The following CTBP2 variants were observed in gnomAD, a reference collection of about 807,000 sequenced individuals.
CTBP2 encodes C-terminal binding protein 2, also known as C-terminal-binding protein 2.
A neutral mutation model predicts 80.3 loss-of-function variants in CTBP2; 30 were observed. That is an observed-to-expected ratio of 0.37 (90% confidence interval 0.28 to 0.51). The LOEUF (loss-of-function observed/expected upper bound fraction) is 0.51. Ranked by LOEUF, CTBP2 falls within the 20% of genes least tolerant of loss-of-function variation. The pLI is 0.93. For missense variants in CTBP2, 1,212 were observed against 1,375.3 expected (o/e 0.88, Z 1.88); for synonymous variants, 594 against 587.4 (o/e 1.01, Z -0.16).
At chr10:125,096,100 T>C (rs1849506910) in intron 2 of CTBP2, among the ~76,000 whole-genome samples, 1 of 152,208 alleles carries the variant, frequency 6.6e-6, no homozygotes, top group Non-Finnish European at 1.5e-5. Context: ...TTTTGTCCCC[T>C]TTGTCAAACA....
At chr10:125,152,239 G>A (rs113260628) in intron 1 of CTBP2, among the ~76,000 whole-genome samples, 8,253 of 152,226 alleles carry the variant, frequency 0.054, 281 homozygotes, top group African/African-American at 0.093. Context: ...CCGGGACCCC[G>A]GGACCCCAGA....
chr10:125,152,801 G>A (rs1406222407), intron 1 of CTBP2, among the ~76,000 whole-genome samples: 1 of 152,210 alleles, frequency 6.6e-6, no homozygotes, highest in African/African-American at 2.4e-5. Flanking sequence ...GGTAGGAAAT[G>A]TCAGGTCAGC....
chr10:125,003,036 C>A lies in CTBP2; in HGVS notation c.1902G>T (p.Lys634Asn), dbSNP rs201760950. 1 of 1,614,000 alleles carries A rather than the reference C, an allele frequency of 6.2e-7. No individual in the cohort carries two copies. Among genetic ancestry groups the A allele is most frequent in the Non-Finnish European group, 8.5e-7 (1 of 1,180,040 alleles). The change falls in exon 3 of 9, where the codon AAG becomes AAT. Residue 634 changes from lysine (K) to asparagine (N), a missense_variant. Transcript: ENST00000309035. ...GCACGATCACTCTCAGGGCCTTGAA[C>A]TTCTCCAGGTCCTCCCTGGTGAGGG...
At chr10:125,061,141 A>G (rs74163322) in intron 2 of CTBP2, among the ~76,000 whole-genome samples, 2,092 of 152,352 alleles carry the variant, frequency 0.014, 45 homozygotes, top group South Asian at 0.041. Flanking sequence ...CAAGCTGAGC[A>G]TACTATTTTC....
At chr10:125,141,294 C>G (rs1857769650) in intron 1 of CTBP2, among the ~76,000 whole-genome samples, 1 of 152,202 alleles carries the variant, frequency 6.6e-6, no homozygotes. Flanking sequence ...CTCATTACCT[C>G]CTCCTGTGAG....
intron 2 of CTBP2, among the ~76,000 whole-genome samples, chr10:125,057,139 C>T (rs1258316923): frequency 6.6e-6 from 1 of 152,192 alleles, no homozygotes; most frequent in East Asian, 1.9e-4. Context: ...CAGAGAGGCA[C>T]CCAGGAAGGG....
At chr10:125,007,950 CTT>C (rs577913784) in intron 1 of CTBP2, among the ~76,000 whole-genome samples, 1 of 144,964 alleles carries the variant, frequency 6.9e-6, no homozygotes. Flanking sequence ...CTGGCTCTGG[CTT>C]TTTTTTTTTT....
intron 1 of CTBP2, among the ~76,000 whole-genome samples, chr10:125,020,133 G>C (rs569433607): frequency 1.2e-4 from 18 of 152,322 alleles, no homozygotes; most frequent in Admixed American, 3.3e-4. Context: ...TTATGCCCTT[G>C]GCTCCGCAAA....
Position 125,027,235 on chromosome 10 carries a change from C to G in CTBP2, c.525G>C (p.Gln175His). The G allele has an allele frequency of 6.2e-7, 1 of 1,606,678 alleles. No individual in the cohort carries two copies. The change falls in exon 1 of 9, where the codon CAG becomes CAC. Residue 175 changes from glutamine to histidine, a missense_variant. Gln to His is a conservative substitution (Grantham distance 24, BLOSUM62 0). Around this residue, in one of 3 missense-constraint regions of CTBP2, gnomAD observed 848 missense variants for 782.3 expected, o/e 1.08. Coordinates refer to ENST00000309035, the MANE Select transcript of CTBP2 (RefSeq NM_022802.3). ...CAGCCCTGCTCTGTGTCTGCCGCCCCTGAGGGATCATTTTACCTCCAGGAT... is the reference window on the plus strand; with the variant it reads ...CAGCCCTGCTCTGTGTCTGCCGCCCGTGAGGGATCATTTTACCTCCAGGAT...
At chr10:125,082,736 C>T (rs1049173750) in intron 2 of CTBP2, among the ~76,000 whole-genome samples, 8 of 152,004 alleles carry the variant, frequency 5.3e-5, no homozygotes, top group South Asian at 2.1e-4. Flanking sequence ...CACAGGTGCA[C>T]GCCACCACAC....
chr10:125,015,349 G>A (rs1220227553), intron 1 of CTBP2, among the ~76,000 whole-genome samples: 1 of 152,242 alleles, frequency 6.6e-6, no homozygotes, highest in Non-Finnish European at 1.5e-5. Flanking sequence ...TGGCCCAGAT[G>A]GAAAAGAAGC....
At position 124,993,950 on chromosome 10, in the gene CTBP2, A is replaced by G. The variant is rs764170771; in HGVS notation, c.2436T>C (p.Arg812=). 1.1e-5 allele frequency: 18 copies of G among 1,614,094 alleles called. No homozygotes were observed. Among genetic ancestry groups the G allele is most frequent in the Admixed American group, 6.7e-5 (4 of 60,010 alleles). The change falls in exon 6 of 9, where the codon CGT becomes CGC. Residue 812 remains arginine (R), a synonymous_variant. Transcript: ENST00000309035. ...AGGCTTTCTCGTCCACCAGGCCGCC[A>G]CGGGCTGCGTTCACAAGGAATGCTC...
chr10:125,136,776 T>A (rs1857037047), intron 1 of CTBP2, among the ~76,000 whole-genome samples: 1 of 152,160 alleles, frequency 6.6e-6, no homozygotes, highest in Non-Finnish European at 1.5e-5. Flanking sequence ...CAAGACACCG[T>A]CCAAACGCTG....
At chr10:125,058,066 T>C (rs1471117317) in intron 2 of CTBP2, among the ~76,000 whole-genome samples, 1 of 152,076 alleles carries the variant, frequency 6.6e-6, no homozygotes, top group African/African-American at 2.4e-5. Flanking sequence ...TGGAGGCCTC[T>C]CGGAGTTAGT....
chr10:125,158,792 C>A (rs1861396794), intron 1 of CTBP2: 1 of 150,942 alleles, frequency 6.6e-6, no homozygotes, highest in South Asian at 2.1e-4. Flanking sequence ...CTTGGGCCGC[C>A]TCCGGAAAAA....
chr10:125,088,270 C>G (rs931806989), intron 2 of CTBP2: 1 of 152,366 alleles, frequency 6.6e-6, no homozygotes, highest in Admixed American at 6.6e-5. Context: ...ACAACAGAAC[C>G]AGGATAGTGG....
At position 125,115,365 on chromosome 10, in the gene CTBP2, C is replaced by T. The variant is rs532035456; in HGVS notation, c.-205-4272G>A. Reference sequence around the variant, plus strand: ...AACTGGAATGTGTCCACAAAACCATCCCTTAGGCGATCAAAAGTTTCCCAC... The same window carrying T: ...AACTGGAATGTGTCCACAAAACCATTCCTTAGGCGATCAAAAGTTTCCCAC... On this transcript the variant is annotated intron_variant, in intron 1 of 10. Transcript: ENST00000337195. 2.0e-5 allele frequency among the ~76,000 whole-genome samples: 3 copies of T among 152,310 alleles called. No homozygotes were observed. In the South Asian group the frequency reaches 6.2e-4, roughly 32 times the overall value.
chr10:125,083,297 G>A (rs1356520402), intron 2 of CTBP2, among the ~76,000 whole-genome samples: 1 of 152,198 alleles, frequency 6.6e-6, no homozygotes, highest in East Asian at 1.9e-4. Context: ...AGCCTCTCTT[G>A]ATTTGGCTTC....
At chr10:125,120,413 G>T (rs1854121956) in intron 1 of CTBP2, among the ~76,000 whole-genome samples, 1 of 152,172 alleles carries the variant, frequency 6.6e-6, no homozygotes, top group Non-Finnish European at 1.5e-5. Context: ...TTGAGACGGA[G>T]TCTCACCCTG....
Sources: gnomAD v4.1 joint callset for allele counts (sites outside exome capture counted in the v4.1 genomes callset) on GRCh38, gnomAD v4.1.1 for gene constraint, gnomAD v4.1.1 regional missense constraint, MANE v1.5 for transcripts, NCBI Gene and HGNC (gene_info 2026-07-23, HGNC 2026-07-21) for gene names.